DPH5: variants seen among roughly 807,000 people sequenced by gnomAD.
The protein encoded by DPH5 is diphthine methyl ester synthase.
A neutral mutation model predicts 31.6 loss-of-function variants in DPH5; 31 were observed. The ratio of observed to expected loss-of-function variants is 0.98; its 90% CI spans 0.74 to 1.32. The LOEUF (loss-of-function observed/expected upper bound fraction) is 1.32, where lower values mean the gene tolerates loss of function less well. DPH5 is among the 40% of genes most tolerant of loss of function. The pLI is 0.00. For synonymous variants in DPH5, 120 were observed against 115.0 expected, an observed-to-expected ratio of 1.04 and a Z score of -0.28; for missense variants, 309 against 335.7, an observed-to-expected ratio of 0.92 and a Z score of 0.62.
At chr1:101,007,671 C>T (rs1222834510) in intron 4 of DPH5, among the ~76,000 whole-genome samples, 5 of 151,390 alleles carry the variant, frequency 3.3e-5, no homozygotes, top group African/African-American at 7.3e-5. Context: ...GCTGAGATCG[C>T]GCCATTGCAC....
At chr1:101,007,571 T>C (rs144481788) in intron 4 of DPH5, among the ~76,000 whole-genome samples, 182 of 151,886 alleles carry the variant, frequency 1.2e-3, no homozygotes, top group African/African-American at 4.1e-3. Context: ...AAAAATTTGC[T>C]GGGTGTGGTG....
intron 4 of DPH5, among the ~76,000 whole-genome samples, chr1:101,004,333 C>T (rs1659071823): frequency 6.6e-6 from 1 of 152,164 alleles, no homozygotes; most frequent in Admixed American, 6.5e-5. Context: ...CAAAGTCACA[C>T]AGTGATGAGA....
At chr1:100,991,149 G>C (rs1422538692) in intron 7 of DPH5, among the ~76,000 whole-genome samples, 1 of 152,158 alleles carries the variant, frequency 6.6e-6, no homozygotes, top group Non-Finnish European at 1.5e-5. Flanking sequence ...ATGGTAATGA[G>C]AGCTAAGATA....
chr1:101,019,641 A>G lies in DPH5; in HGVS notation c.260+2000T>C, dbSNP rs1375879285. ...TCCTTACCTGATTTCTCCTCCATTT[A>G]ATCCACTCATATTCCAATTAAAATT... On this transcript the variant is annotated intron_variant, in intron 3 of 7. Transcript: ENST00000370109. 6.6e-5 allele frequency among the ~76,000 whole-genome samples: 10 copies of G among 152,254 alleles called. No homozygotes were observed. In the East Asian group the frequency reaches 1.9e-3, roughly 29 times the overall value.
chr1:101,008,449 G>A (rs751073035), intron 4 of DPH5, among the ~76,000 whole-genome samples: 3 of 152,224 alleles, frequency 2.0e-5, no homozygotes, highest in Non-Finnish European at 2.9e-5. Context: ...AGAAGATGAC[G>A]CCTTAGTTAC....
chr1:101,022,850 T>C (rs1660556967), intron 2 of DPH5: 1 of 152,160 alleles, frequency 6.6e-6, no homozygotes, highest in Admixed American at 6.5e-5. Context: ...TTTGTGTAGC[T>C]ATTATCTATC....
At chr1:101,000,129 A>G (rs1237349054) in intron 5 of DPH5, among the ~76,000 whole-genome samples, 1 of 152,136 alleles carries the variant, frequency 6.6e-6, no homozygotes, top group East Asian at 1.9e-4. Context: ...CCTGGGCAAC[A>G]GATTGAGACT....
At chr1:101,002,922 C>G (rs2101191569) in intron 4 of DPH5, among the ~76,000 whole-genome samples, 1 of 152,258 alleles carries the variant, frequency 6.6e-6, no homozygotes. Context: ...CAACGTTTCT[C>G]AGTTTTTACA....
chr1:101,025,528 T>C (rs1385629746), intron 1 of DPH5, 62 bp from the exon 2 acceptor site: 2 of 1,525,420 alleles, frequency 1.3e-6, no homozygotes, highest in Admixed American at 3.7e-5. Flanking sequence ...AATCTAGTGA[T>C]GAACACGATG....
At chr1:101,005,928 G>T (rs772397884) in intron 4 of DPH5, among the ~76,000 whole-genome samples, 8 of 152,054 alleles carry the variant, frequency 5.3e-5, no homozygotes, top group Non-Finnish European at 7.4e-5. Flanking sequence ...GAGGTGAGGG[G>T]GGGAGCAGTT....
intron 3 of DPH5, among the ~76,000 whole-genome samples, chr1:101,017,459 T>C (rs1419158919): frequency 1.3e-5 from 2 of 152,216 alleles, no homozygotes; most frequent in African/African-American, 4.8e-5. Flanking sequence ...ATCTCAAGAT[T>C]GTAAGTAGGT....
chr1:101,009,943 T>C (rs1387150060), intron 4 of DPH5, among the ~76,000 whole-genome samples: 1 of 152,224 alleles, frequency 6.6e-6, no homozygotes, highest in African/African-American at 2.4e-5. Context: ...AATATGCTAG[T>C]TCCTTCTTGA....
rs1185311441 is a variant in DPH5, at chr1:101,005,315, G to T, written c.370-3728C>A. On this transcript the variant is annotated intron_variant, in intron 4 of 7. Transcript: ENST00000370109. ...AAATTAAATCAGTTAAATCTGTGAA[G>T]TGAAAGAAAGCCAAGCCAGCAAAAC... 2.6e-5 allele frequency among the ~76,000 whole-genome samples: 4 copies of T among 152,322 alleles called. No individual in the cohort carries two copies. In the East Asian group the frequency reaches 7.7e-4, roughly 29 times the overall value.
Position 100,990,542 on chromosome 1 carries a change from T to G in DPH5, c.724A>C (p.Thr242Pro). ...IAAGTLRQMC[T>P]VDLGEPLHSL... ...TGCAATGGTTCTCCCAAGTCCACAG[T>G]GCACATTTGCCTTAAAGTGCCTGCT... The change falls in exon 8 of 8, where the codon ACT (threonine) becomes CCT (proline). Residue 242 changes from threonine (T) to proline (P), a missense_variant. Coordinates refer to ENST00000370109, the MANE Select transcript of DPH5 (RefSeq NM_015958.3). 6.2e-7 allele frequency: 1 copy of G among 1,614,198 alleles called. No individual in the cohort carries two copies. Among genetic ancestry groups the G allele is most frequent in the South Asian group, 1.1e-5 (1 of 91,086 alleles).
chr1:101,005,912 GT>G (rs1659192169), intron 4 of DPH5, among the ~76,000 whole-genome samples: 1 of 152,080 alleles, frequency 6.6e-6, no homozygotes, highest in African/African-American at 2.4e-5. Flanking sequence ...GGACCCGGTA[GT>G]GGGGGAGGTG....
intron 4 of DPH5, among the ~76,000 whole-genome samples, chr1:101,013,361 A>G (rs947231766): frequency 2.0e-5 from 3 of 152,190 alleles, no homozygotes; most frequent in African/African-American, 7.2e-5. Context: ...CAGCATCACA[A>G]TGCTCTTGAC....
At position 100,990,187 on chromosome 1, in the gene DPH5, T is replaced by C. The variant is rs551644821; in HGVS notation, c.*221A>G. ...CGGCAAGAGTGAGAATGAGAGCCAG[T>C]AGGGGAAATGCCAGGCACTTATAAA... is the stretch of plus-strand genomic sequence containing the variant. On this transcript the variant is annotated 3_prime_UTR_variant, in exon 8 of 8. Coordinates refer to ENST00000370109, the MANE Select transcript of DPH5 (RefSeq NM_015958.3). 17 of 534,326 alleles carry C rather than the reference T, an allele frequency of 3.2e-5. No individual in the cohort carries two copies. Among genetic ancestry groups the C allele is most frequent in the African/African-American group, 2.1e-4 (11 of 52,402 alleles). The allele number at this position is 534,326 out of a possible 1,614,324, so 33.1% of individuals were successfully genotyped here. A position where few individuals can be genotyped will look rare whatever the true frequency, so the allele number is the denominator to read the frequency against.
intron 5 of DPH5, among the ~76,000 whole-genome samples, chr1:100,998,176 G>A (rs570012644): frequency 1.6e-4 from 25 of 152,134 alleles, no homozygotes; most frequent in African/African-American, 3.9e-4. Flanking sequence ...TTAGAGAAGC[G>A]TTTATGGCCT....
intron 2 of DPH5, among the ~76,000 whole-genome samples, chr1:101,022,273 A>T (rs374680691): frequency 1.3e-5 from 2 of 152,388 alleles, no homozygotes; most frequent in South Asian, 4.1e-4. Flanking sequence ...AGCTGTTTAC[A>T]GAACCAGTGA....
Sources: allele counts gnomAD v4.1 joint callset (sites outside exome capture counted in the v4.1 genomes callset), GRCh38; gene constraint gnomAD v4.1.1; transcripts MANE v1.5; gene names NCBI Gene and HGNC (gene_info 2026-07-23, HGNC 2026-07-21).